The following BANK1 variants were observed in gnomAD, a reference collection of about 807,000 sequenced individuals.
BANK1 encodes the protein B cell scaffold protein with ankyrin repeats 1.
In BANK1, 95 loss-of-function variants were observed where a neutral mutation model predicts 94.5. The observed-to-expected ratio is 1.00, with a 90% confidence interval of 0.85 to 1.19. BANK1 has a LOEUF of 1.19. Ranked by LOEUF, BANK1 falls within the 50% of genes most tolerant of loss-of-function variation. BANK1 has a pLI of 0.00. For missense variants in BANK1, 987 were observed against 932.2 expected (o/e 1.06, Z -0.77); for synonymous variants, 334 against 308.4 (o/e 1.08, Z -0.87).
At chr4:101,909,618 T>C (rs1156718182) in intron 6 of BANK1, among the ~76,000 whole-genome samples, 3 of 152,194 alleles carry the variant, frequency 2.0e-5, no homozygotes, top group Admixed American at 1.3e-4. Context: ...CTCATTCCTG[T>C]AAACCTACAA....
intron 1 of BANK1, among the ~76,000 whole-genome samples, chr4:101,829,053 G>T (rs1002567270): frequency 1.3e-5 from 2 of 151,900 alleles, no homozygotes; most frequent in Non-Finnish European, 2.9e-5. Flanking sequence ...TAGTAGAGAT[G>T]GGGTTTCACT....
intron 7 of BANK1, among the ~76,000 whole-genome samples, chr4:101,974,035 AGTAC>A (rs1725044745): frequency 6.6e-6 from 1 of 152,148 alleles, no homozygotes; most frequent in Non-Finnish European, 1.5e-5. Flanking sequence ...AATTGAACCC[AGTAC>A]CTGGCGTAGG....
At chr4:101,950,044 TGTGTGTGTGTGTGTGTGCGC>T (rs1435165970) in intron 7 of BANK1, among the ~76,000 whole-genome samples, 1 of 83,198 alleles carries the variant, frequency 1.2e-5, no homozygotes, top group African/African-American at 4.2e-5. Flanking sequence ...TGTGTGTGTG[TGTGTGTGTGTGTGTGTGCGC>T]GTGCGCGCGC....
At chr4:101,801,340 T>C (rs1423882876) in intron 1 of BANK1, among the ~76,000 whole-genome samples, 1 of 152,230 alleles carries the variant, frequency 6.6e-6, no homozygotes, top group African/African-American at 2.4e-5. Context: ...TTTTATTTGT[T>C]GCAATATGGT....
chr4:101,813,249 T>G (rs1725784680), intron 1 of BANK1, among the ~76,000 whole-genome samples: 1 of 152,192 alleles, frequency 6.6e-6, no homozygotes, highest in South Asian at 2.1e-4. Flanking sequence ...AGGTAGATTT[T>G]GGGCAAGTTA....
At chr4:101,962,066 C>T (rs532621701) in intron 7 of BANK1, among the ~76,000 whole-genome samples, 92 of 152,204 alleles carry the variant, frequency 6.0e-4, no homozygotes, top group African/African-American at 2.1e-3. Context: ...AGATATAAAT[C>T]AAATGTATAG....
At chr4:101,902,430 G>A (rs1171916416) in intron 6 of BANK1, among the ~76,000 whole-genome samples, 1 of 152,106 alleles carries the variant, frequency 6.6e-6, no homozygotes, top group African/African-American at 2.4e-5. Context: ...TGTTTAGCAT[G>A]TAATTTTCAA....
At chr4:102,010,905 T>G (rs1018068899) in intron 7 of BANK1, among the ~76,000 whole-genome samples, 1 of 152,218 alleles carries the variant, frequency 6.6e-6, no homozygotes, top group African/African-American at 2.4e-5. Flanking sequence ...TTCAAATATC[T>G]AAACAGAATG....
At chr4:101,839,105 A>C (rs2148866837) in intron 2 of BANK1, among the ~76,000 whole-genome samples, 1 of 152,338 alleles carries the variant, frequency 6.6e-6, no homozygotes. Flanking sequence ...TTATGATATC[A>C]CCAAATGAGA....
chr4:102,039,363 C>T (rs569453391), intron 10 of BANK1, among the ~76,000 whole-genome samples: 1 of 152,264 alleles, frequency 6.6e-6, no homozygotes, highest in Non-Finnish European at 1.5e-5. Context: ...TACCTACATA[C>T]ATCTTTCCTC....
chr4:101,830,433 A>G (rs898701496), intron 2 of BANK1, among the ~76,000 whole-genome samples: 3 of 152,166 alleles, frequency 2.0e-5, no homozygotes, highest in Non-Finnish European at 4.4e-5. Context: ...AACATGGCTT[A>G]TAAATATATT....
intron 7 of BANK1, among the ~76,000 whole-genome samples, chr4:101,959,220 A>T (rs1724481281): frequency 6.6e-6 from 1 of 151,866 alleles, no homozygotes; most frequent in African/African-American, 2.4e-5. Flanking sequence ...GCTCACTGCA[A>T]CCTCCACCTC....
At chr4:101,858,755 A>G (rs1238881197) in intron 3 of BANK1, among the ~76,000 whole-genome samples, 1 of 152,184 alleles carries the variant, frequency 6.6e-6, no homozygotes, top group African/African-American at 2.4e-5. Context: ...AGACCGTTAA[A>G]GTGGCTTTAT....
chr4:101,804,973 G>C (rs540023144), intron 1 of BANK1, among the ~76,000 whole-genome samples: 2 of 152,268 alleles, frequency 1.3e-5, no homozygotes, highest in South Asian at 4.1e-4. Flanking sequence ...TAGCATGTGT[G>C]CATCTCAACT....
At chr4:102,007,078 AT>A (rs368596436) in intron 7 of BANK1, among the ~76,000 whole-genome samples, 17,414 of 100,128 alleles carry the variant, frequency 0.17, 1,976 homozygotes, top group Non-Finnish European at 0.25. Flanking sequence ...TTATATATAT[AT>A]AAATATATAT....
chr4:101,791,008 G>A (rs1724963968), intron 1 of BANK1, 58 bp downstream of exon 1: 3 of 1,339,184 alleles, frequency 2.2e-6, no homozygotes, highest in Non-Finnish European at 3.0e-6. Context: ...GGGGCTCTGC[G>A]GAGACCACGG....
intron 1 of BANK1, among the ~76,000 whole-genome samples, chr4:101,826,432 A>G (rs1726368453): frequency 6.6e-6 from 1 of 152,028 alleles, no homozygotes; most frequent in South Asian, 2.1e-4. Flanking sequence ...AATTAAATGA[A>G]ACAGCATGTG....
At chr4:101,926,180 T>C (rs1300553019) in intron 7 of BANK1, among the ~76,000 whole-genome samples, 1 of 151,564 alleles carries the variant, frequency 6.6e-6, no homozygotes, top group Non-Finnish European at 1.5e-5. Context: ...TACTTTAAAT[T>C]CATGTAAAGG....
At chr4:101,893,639 T>C (rs1410259156) in intron 5 of BANK1, among the ~76,000 whole-genome samples, 3 of 152,040 alleles carry the variant, frequency 2.0e-5, no homozygotes, top group Non-Finnish European at 4.4e-5. Flanking sequence ...ACTGCTCCTT[T>C]CAAAGGCTTC....
Sources: allele counts gnomAD v4.1 joint callset (sites outside exome capture counted in the v4.1 genomes callset), GRCh38; gene constraint gnomAD v4.1.1; transcripts MANE v1.5; gene names NCBI Gene and HGNC (gene_info 2026-07-23, HGNC 2026-07-21).